The following CCT2 variants were observed in gnomAD, a reference collection of about 807,000 sequenced individuals.
The protein encoded by CCT2 is T-complex protein 1 subunit beta.
CCT2 carries 18 observed loss-of-function variants against 61.8 expected under a neutral mutation model. The observed-to-expected ratio is 0.29, with a 90% confidence interval of 0.20 to 0.43. The LOEUF (loss-of-function observed/expected upper bound fraction) is 0.43. CCT2 is among the 20% of genes least tolerant of loss of function. The pLI is 1.00. For synonymous variants in CCT2, 248 were observed against 215.9 expected (o/e 1.15, Z -1.30); for missense variants, 556 against 656.9 (o/e 0.85, Z 1.68).
At chr12:69,599,631 C>T (rs777760276) in intron 14 of CCT2, 26 of 254,646 alleles carry the variant, frequency 1.0e-4, no homozygotes, top group Non-Finnish European at 1.6e-4. Context: ...AGGTGATCTA[C>T]CTGCCTCAGC....
At chr12:69,588,594 A>G (rs1881737233) in intron 6 of CCT2, among the ~76,000 whole-genome samples, 1 of 152,242 alleles carries the variant, frequency 6.6e-6, no homozygotes. Flanking sequence ...AGAGTTACAC[A>G]TTTGAATATT....
intron 10 of CCT2, among the ~76,000 whole-genome samples, chr12:69,594,209 T>C (rs1881921852): frequency 6.6e-6 from 1 of 152,180 alleles, no homozygotes; most frequent in African/African-American, 2.4e-5. Context: ...CTGAACAAAC[T>C]AGAGCTTTAA....
chr12:69,600,761 CTGTTG>C (rs1487943876), intron 15 of CCT2, among the ~76,000 whole-genome samples: 8 of 152,196 alleles, frequency 5.3e-5, no homozygotes, highest in East Asian at 1.9e-4. Context: ...CTTCTCGTAA[CTGTTG>C]TGTTTGCCTC....
chr12:69,593,168 TTA>T, intron 9 of CCT2, 65 bp downstream of exon 9: 1 of 1,380,998 alleles, frequency 7.2e-7, no homozygotes, highest in Non-Finnish European at 9.9e-7. Flanking sequence ...TCATATTTAC[TTA>T]TATTGAATTA....
rs1391424851 is a variant in CCT2 at position 69,586,778 on chromosome 12, T to C, written c.104T>C (p.Ile35Thr). The C allele has an allele frequency of 3.7e-6, 6 of 1,601,724 alleles. No individual in the cohort carries two copies. In the East Asian group the frequency reaches 6.7e-5, roughly 18 times the overall value. The change falls in exon 3 of 16, where the codon ATT becomes ACT. Residue 35 changes from isoleucine (I) to threonine (T), a missense_variant. By Grantham distance (89) the Ile-to-Thr change is moderately conservative (BLOSUM62 -1). Around this residue, in one of 3 missense-constraint regions of CCT2, gnomAD observed 308 missense variants for 350.6 expected, o/e 0.88. Transcript: ENST00000299300. ...RLTSFIGAIA[I>T]GDLVKSTLGP... ...ACTTCTTTTATTGGTGCCATCGCCA[T>C]TGGAGACTTGGTAAAGAGCACCTTG...
Position 69,601,370 on chromosome 12 carries a change from T to C in CCT2, c.*45T>C, listed in dbSNP as rs373408454. On this transcript the variant is annotated 3_prime_UTR_variant, in exon 16 of 16. Coordinates refer to ENST00000299300, the MANE Select transcript of CCT2 (RefSeq NM_006431.3). Reference sequence around the variant, plus strand: ...ATCTTTGGACCAGTTTCTAGCAAAGTTGTGTTTGAAAGATACTCTATTAAA... The same window carrying C: ...ATCTTTGGACCAGTTTCTAGCAAAGCTGTGTTTGAAAGATACTCTATTAAA... 28 of 1,613,774 alleles carry C rather than the reference T, an allele frequency of 1.7e-5. No individual in the cohort carries two copies. The African/African-American group carries it at 2.9e-4, about 17-fold the overall frequency.
intron 1 of CCT2, chr12:69,585,902 G>T: frequency 7.8e-7 from 1 of 1,276,330 alleles, no homozygotes; most frequent in Non-Finnish European, 9.9e-7. Context: ...GCCTTCCGAG[G>T]GTGGAAGATG....
At position 69,592,901 on chromosome 12, in the gene CCT2, C is replaced by T. The variant is rs142337040; in HGVS notation, c.751-75C>T. ...CGAGATTGCCCCACTGCACTCCAGC[C>T]TGGGCAACAGAGCGAGACTCAATCT... On this transcript the variant is annotated intron_variant, in intron 8 of 15. Transcript: ENST00000299300. The T allele has an allele frequency of 6.9e-4, 1,000 of 1,455,930 alleles. 1 individual carries two copies. In the African/African-American group the frequency reaches 0.012, roughly 17 times the overall value. The allele number at this position is 1,455,930 out of a possible 1,614,324, so 90.2% of individuals were successfully genotyped here. A position where few individuals can be genotyped will look rare whatever the true frequency, so the allele number is the denominator to read the frequency against.
At chr12:69,594,859 A>T (rs1881942048) in intron 10 of CCT2, among the ~76,000 whole-genome samples, 2 of 152,124 alleles carry the variant, frequency 1.3e-5, no homozygotes, top group Admixed American at 1.3e-4. Flanking sequence ...AAAAAAAAAA[A>T]AAAATGCAGC....
At chr12:69,596,651 T>C (rs1408091300) in intron 10 of CCT2, among the ~76,000 whole-genome samples, 1 of 152,226 alleles carries the variant, frequency 6.6e-6, no homozygotes, top group African/African-American at 2.4e-5. Flanking sequence ...AAGCAGTTCA[T>C]GAAGTGTATA....
At chr12:69,592,780 T>G (rs572186353) in intron 8 of CCT2, 196 bp from the exon 9 acceptor site, 84 of 413,816 alleles carry the variant, frequency 2.0e-4, no homozygotes, top group African/African-American at 1.3e-3. Context: ...ATACAAAAAT[T>G]AGCTGGGTGT....
At chr12:69,589,373 A>G in intron 6 of CCT2, 112 bp from the exon 7 acceptor site, 2 of 702,838 alleles carry the variant, frequency 2.8e-6, no homozygotes, top group Non-Finnish European at 2.4e-6. Context: ...TTCTTTTCAT[A>G]TAGCTTACAG....
At chr12:69,585,569 T>C (rs1267011157) in intron 1 of CCT2, 45 bp downstream of exon 1, 1 of 1,562,908 alleles carries the variant, frequency 6.4e-7, no homozygotes, top group Non-Finnish European at 8.7e-7. Flanking sequence ...TGCTCCGCCG[T>C]GCTCTTGCCA....
chr12:69,592,527 G>A (rs770355859), intron 8 of CCT2: 6 of 177,304 alleles, frequency 3.4e-5, no homozygotes, highest in Non-Finnish European at 5.9e-5. Flanking sequence ...TATAAACTCA[G>A]GAATCAATTG....
At chr12:69,598,450 G>GT (rs143109784) in intron 14 of CCT2, 29 bp downstream of exon 14, 165,046 of 1,365,784 alleles carry the variant, frequency 0.12, 11,298 homozygotes, top group Non-Finnish European at 0.14. Context: ...CTTTGTGGCC[G>GT]TTGTTAAAAG....
chr12:69,593,543 T>C lies in CCT2; in HGVS notation c.912T>C (p.Phe304=). Residue 304 remains phenylalanine, a synonymous_variant, in exon 10 of 16, where the codon TTT becomes TTC. Transcript: ENST00000299300. ...QLIYNYPEQL[F]GAAGVMAIEH... The stretch of plus-strand genomic sequence containing the variant: ...TTTATAATTATCCTGAACAGCTCTT[T>C]GGTGCTGCTGGTGTCATGGCTATTG... 1 of 1,612,994 alleles carries C rather than the reference T, an allele frequency of 6.2e-7. No homozygotes were observed. The highest frequency in any genetic ancestry group is 8.5e-7 in the Non-Finnish European group (1 of 1,179,178).
rs370589002 is a variant in CCT2 at position 69,589,491 on chromosome 12, T to C, written c.453T>C (p.Asp151=). ...TTTGGTTGGTTTTATTTAGTTCCGATGAAGTTAAATTCCGTCAAGATTTAA... is the reference window on the plus strand; with the variant it reads ...TTTGGTTGGTTTTATTTAGTTCCGACGAAGTTAAATTCCGTCAAGATTTAA... ...LLSSAVDHGS[D]EVKFRQDLMN... is the part of the protein sequence containing the mutation. Residue 151 remains aspartate (D), a synonymous_variant, in exon 7 of 16, where the codon GAT becomes GAC. Transcript: ENST00000299300. 1.9e-6 allele frequency: 3 copies of C among 1,613,718 alleles called. No individual in the cohort carries two copies. Among genetic ancestry groups the C allele is most frequent in the Non-Finnish European group, 2.5e-6 (3 of 1,179,626 alleles).
At chr12:69,590,061 A>T (rs920387934) in intron 7 of CCT2, among the ~76,000 whole-genome samples, 7 of 152,246 alleles carry the variant, frequency 4.6e-5, no homozygotes, top group African/African-American at 1.7e-4. Context: ...GAGGATGTAC[A>T]GTTGACCATT....
At chr12:69,592,949 G>A (rs770754731) in intron 8 of CCT2, 27 bp from the exon 9 acceptor site, 1 of 1,601,882 alleles carries the variant, frequency 6.2e-7, no homozygotes. Context: ...TGAAACTGAT[G>A]CTCTCTTTAT....
Sources: gnomAD v4.1 joint callset for allele counts (sites outside exome capture counted in the v4.1 genomes callset) on GRCh38, gnomAD v4.1.1 for gene constraint, gnomAD v4.1.1 regional missense constraint, MANE v1.5 for transcripts, NCBI Gene and HGNC (gene_info 2026-07-23, HGNC 2026-07-21) for gene names.